Variants in EIF2AK4 observed in about 807,000 individuals in gnomAD.
EIF2AK4 encodes the protein eIF-2-alpha kinase GCN2.
EIF2AK4 carries 139 observed loss-of-function variants against 211.1 expected under a neutral mutation model. The ratio of observed to expected loss-of-function variants is 0.66; its 90% CI spans 0.57 to 0.76. The LOEUF is 0.76. Among genes scored for constraint, EIF2AK4 ranks in the 30% least tolerant of loss-of-function variants. The pLI, the probability that EIF2AK4 is intolerant of heterozygous loss-of-function variation, is 0.00. For synonymous variants in EIF2AK4, 710 were observed against 751.3 expected (o/e 0.94, Z 0.90); for missense variants, 1,664 against 2,043.8 (o/e 0.81, Z 3.58).
At chr15:40,007,093 G>T in intron 24 of EIF2AK4, 28 bp downstream of exon 24, 1 of 1,527,476 alleles carries the variant, frequency 6.5e-7, no homozygotes, top group Non-Finnish European at 9.0e-7. Context: ...ATTCCATTTG[G>T]TAGACATAGG....
chr15:39,955,067 C>G (rs1202399089), intron 5 of EIF2AK4, among the ~76,000 whole-genome samples: 2 of 152,166 alleles, frequency 1.3e-5, no homozygotes, highest in Non-Finnish European at 2.9e-5. Flanking sequence ...AGATGAGATC[C>G]CTGTTTCCAC....
chr15:39,970,183 C>T (rs989249381), intron 9 of EIF2AK4, among the ~76,000 whole-genome samples: 1 of 152,184 alleles, frequency 6.6e-6, no homozygotes, highest in East Asian at 1.9e-4. Context: ...CATTTTATCC[C>T]TTTTTGTTCA....
chr15:39,937,693 T>G (rs190236444), intron 1 of EIF2AK4, among the ~76,000 whole-genome samples: 3 of 152,332 alleles, frequency 2.0e-5, no homozygotes, highest in Admixed American at 2.0e-4. Context: ...CGTTTTTAAA[T>G]TTTCATCAAA....
chr15:39,944,534 C>A (rs965328414), intron 3 of EIF2AK4, among the ~76,000 whole-genome samples: 1 of 149,520 alleles, frequency 6.7e-6, no homozygotes, highest in Non-Finnish European at 1.5e-5. Context: ...CGGGTTCGCG[C>A]CATTCTCCTG....
chr15:39,953,873 T>G (rs1212874682), intron 4 of EIF2AK4, 31 bp from the exon 5 acceptor site: 2 of 1,602,064 alleles, frequency 1.2e-6, no homozygotes, highest in East Asian at 2.2e-5. Context: ...TTTCAGAGAT[T>G]GGCATTTGAT....
At chr15:39,948,924 A>G (rs2034266253) in intron 3 of EIF2AK4, among the ~76,000 whole-genome samples, 192 bp from the exon 4 acceptor site, 2 of 152,100 alleles carry the variant, frequency 1.3e-5, no homozygotes, top group African/African-American at 4.8e-5. Flanking sequence ...ACACAATGCA[A>G]TGGGCCCTTT....
chr15:40,032,887 C>A, intron 37 of EIF2AK4, 86 bp downstream of exon 37: 2 of 1,120,834 alleles, frequency 1.8e-6, no homozygotes, highest in South Asian at 3.1e-5. Context: ...AGACGGCATT[C>A]ATTAGTGATA....
At chr15:39,992,289 T>G in intron 17 of EIF2AK4, 60 bp downstream of exon 17, 1 of 1,421,004 alleles carries the variant, frequency 7.0e-7, no homozygotes, top group Non-Finnish European at 9.5e-7. Context: ...TTTCTTAACC[T>G]GAAACCTGTT....
At chr15:39,937,368 T>G (rs2034080890) in intron 1 of EIF2AK4, among the ~76,000 whole-genome samples, 1 of 152,218 alleles carries the variant, frequency 6.6e-6, no homozygotes, top group African/African-American at 2.4e-5. Flanking sequence ...CACCTTTGTT[T>G]ACAAACCATT....
chr15:39,976,933 C>CTTCCTTCCTTCT, intron 12 of EIF2AK4, 89 bp downstream of exon 12: 1 of 1,366,618 alleles, frequency 7.3e-7, no homozygotes, highest in South Asian at 1.7e-5. Context: ...CATTTCCTTC[C>CTTCCTTCCTTCT]TTCCTTCTTT....
intron 35 of EIF2AK4, among the ~76,000 whole-genome samples, chr15:40,030,967 C>T (rs1378348473): frequency 1.3e-5 from 2 of 152,166 alleles, no homozygotes; most frequent in African/African-American, 2.4e-5. Flanking sequence ...AGGCCAGGTG[C>T]GGTGGCTTAT....
chr15:39,973,603 C>T lies in EIF2AK4; in HGVS notation c.1672C>T (p.Gln558Ter). ...VEQSPEDSEGQDYVETVIPSN... is the reference protein window; with the variant it reads ...VEQSPEDSEG ...CTGTTTTATCTCAGATTCTGAAGGA[C>T]AAGATTATGTTGAGACTGTTATTCC... Residue 558 changes from glutamine to a stop codon, truncating the protein, a stop_gained, in exon 11 of 39, where the codon CAA becomes TAA. Transcript: ENST00000263791. LOFTEE classifies it high-confidence loss of function. 1 of 1,611,536 alleles carries T rather than the reference C, an allele frequency of 6.2e-7. No homozygotes were observed. The highest frequency in any genetic ancestry group is 8.5e-7 in the Non-Finnish European group (1 of 1,178,762).
chr15:39,957,387 A>G (rs2034405724), intron 6 of EIF2AK4, among the ~76,000 whole-genome samples: 1 of 151,960 alleles, frequency 6.6e-6, no homozygotes, highest in Non-Finnish European at 1.5e-5. Context: ...CCTGGGCAAC[A>G]AACTCCTTCC....
At chr15:39,975,795 A>G (rs1219539033) in intron 11 of EIF2AK4, among the ~76,000 whole-genome samples, 1 of 152,256 alleles carries the variant, frequency 6.6e-6, no homozygotes, top group Non-Finnish European at 1.5e-5. Flanking sequence ...GACTAAGCTA[A>G]GCACCTTTCT....
chr15:40,034,725 GA>G (rs1485351036), intron 38 of EIF2AK4, among the ~76,000 whole-genome samples: 1 of 152,116 alleles, frequency 6.6e-6, no homozygotes, highest in Non-Finnish European at 1.5e-5. Flanking sequence ...AAATAACCAT[GA>G]CTACTTTGCT....
chr15:39,950,531 C>T (rs2034292923), intron 4 of EIF2AK4, among the ~76,000 whole-genome samples: 2 of 148,478 alleles, frequency 1.3e-5, no homozygotes, highest in African/African-American at 5.0e-5. Context: ...GAGGAGGTTG[C>T]AGTGAGCCAA....
intron 5 of EIF2AK4, among the ~76,000 whole-genome samples, chr15:39,955,017 T>C (rs2034369975): frequency 6.6e-6 from 1 of 152,180 alleles, no homozygotes; most frequent in South Asian, 2.1e-4. Flanking sequence ...CACAGATAAG[T>C]GTACTGCCCT....
chr15:39,981,924 C>CTTTT lies in EIF2AK4; in HGVS notation c.2319+3793_2319+3796dup, dbSNP rs34776250. ...AGTGTGCCCTTTGATAATGTGGTCACTTTTTTTTTTTTTTTTTTTGAGACA... is the reference window on the plus strand; with the variant it reads ...AGTGTGCCCTTTGATAATGTGGTCACTTTTTTTTTTTTTTTTTTTTTTTGAGACA... On this transcript the variant is annotated intron_variant, in intron 13 of 38. Transcript: ENST00000263791. Among the ~76,000 whole-genome samples, 914 of 122,222 alleles carry CTTTT rather than the reference C, an allele frequency of 7.5e-3. 37 individuals carry two copies. The highest frequency in any genetic ancestry group is 9.9e-3 in the African/African-American group (320 of 32,436). The allele number at this position is 122,222 out of a possible 152,430, so 80.2% of individuals were successfully genotyped here. A position where few individuals can be genotyped will look rare whatever the true frequency, so the allele number is the denominator to read the frequency against.
chr15:39,967,879 A>G lies in EIF2AK4; in HGVS notation c.1553A>G (p.Lys518Arg), dbSNP rs1167206677. ...GCTGACTTTCAAGATTTTCTAAAGA[A>G]GTGAGTATCACTGAGATTCTCTCTA... is the stretch of plus-strand genomic sequence containing the variant. ...LPADFQDFLK[K>R]CVCLDDKERW... The change falls in exon 9 of 39, where the codon AAA (lysine) becomes AGA (arginine). Residue 518 changes from lysine to arginine, a missense_variant and splice_region_variant. Lys to Arg is a conservative substitution (Grantham distance 26). Transcript: ENST00000263791. 6.2e-7 allele frequency: 1 copy of G among 1,613,512 alleles called. No individual in the cohort carries two copies. Among genetic ancestry groups the G allele is most frequent in the East Asian group, 2.2e-5 (1 of 44,880 alleles).
Sources: gnomAD v4.1 joint callset for allele counts (sites outside exome capture counted in the v4.1 genomes callset) on GRCh38, gnomAD v4.1.1 for gene constraint, MANE v1.5 for transcripts, NCBI Gene and HGNC (gene_info 2026-07-23, HGNC 2026-07-21) for gene names.